Variants in ZNF831 observed in about 807,000 individuals in gnomAD.
ZNF831 encodes the protein zinc finger protein 831, also known as chromosome 20 open reading frame 174.
In ZNF831, 59 loss-of-function variants were observed where a neutral mutation model predicts 95.8. The observed-to-expected ratio is 0.62, with a 90% CI of 0.50 to 0.77. The LOEUF (loss-of-function observed/expected upper bound fraction) is 0.77. ZNF831 is among the 30% of genes least tolerant of loss of function. The probability of loss-of-function intolerance (pLI) is 0.00; values close to 1 mark genes in which losing one functional copy is unlikely to be tolerated. For synonymous variants in ZNF831, 961 were observed against 925.5 expected (o/e 1.04, Z -0.70); for missense variants, 2,205 against 2,164.0 (o/e 1.02, Z -0.38).
intron 1 of ZNF831, among the ~76,000 whole-genome samples, chr20:59,184,802 T>C (rs1601351042): frequency 6.6e-6 from 1 of 152,258 alleles, no homozygotes; most frequent in East Asian, 1.9e-4. Flanking sequence ...CCCAGGCTCA[T>C]TTGTGGTTTG....
chr20:59,235,285 C>G (rs1173190205), intron 4 of ZNF831, among the ~76,000 whole-genome samples: 1 of 152,176 alleles, frequency 6.6e-6, no homozygotes, highest in Admixed American at 6.5e-5. Context: ...CACCCGGCCA[C>G]AGTCATTTTC....
chr20:59,254,923 T>G lies in ZNF831; in HGVS notation c.*180T>G. ...TCTGACCCCCAACTCAGCCGCAGCG[T>G]TCCCCAGCTCCCCTTGGGAGTGCTC... On this transcript the variant is annotated 3_prime_UTR_variant, in exon 6 of 6. Coordinates refer to ENST00000371030, the MANE Select transcript of ZNF831 (RefSeq NM_178457.3). This position sits in a 1 kb window ranked among gnomAD's most constrained non-coding sequence, Gnocchi z 4.5. The G allele has an allele frequency of 1.3e-6, 1 of 767,170 alleles. No homozygotes were observed. 47.5% of individuals were successfully genotyped at this position (767,170 alleles called of 1,614,324 possible). A position where few individuals can be genotyped will look rare whatever the true frequency, so the allele number is the denominator to read the frequency against.
intron 1 of ZNF831, among the ~76,000 whole-genome samples, chr20:59,166,509 T>C (rs766156988): frequency 3.3e-5 from 5 of 152,224 alleles, no homozygotes; most frequent in Non-Finnish European, 7.3e-5. Flanking sequence ...ATAGTCAAGA[T>C]ACAGAACATT....
chr20:59,175,505 T>G (rs1463866984), intron 1 of ZNF831, among the ~76,000 whole-genome samples: 1 of 152,176 alleles, frequency 6.6e-6, no homozygotes, highest in African/African-American at 2.4e-5. Flanking sequence ...GTTCACCGAT[T>G]CTTTTTTTCT....
chr20:59,234,904 A>G (rs1412401460), intron 4 of ZNF831, among the ~76,000 whole-genome samples: 2 of 152,148 alleles, frequency 1.3e-5, no homozygotes, highest in African/African-American at 4.8e-5. Flanking sequence ...TTTACAATTA[A>G]TGACCCATTA....
intron 4 of ZNF831, among the ~76,000 whole-genome samples, chr20:59,231,026 A>T (rs1426322775): frequency 1.3e-5 from 2 of 152,098 alleles, no homozygotes; most frequent in Admixed American, 1.3e-4. Flanking sequence ...GTGGTCAAGG[A>T]TGGCTGCTCC....
In ZNF831 at chr20:59,164,172, G is replaced by A. The variant is rs1981069440; in HGVS notation, c.-72G>A. ...ACCAGATCATTGTGTTTGAATCAGAGCATCATTGGCTGAAAACACTCCACT... is the reference window on the plus strand; with the variant it reads ...ACCAGATCATTGTGTTTGAATCAGAACATCATTGGCTGAAAACACTCCACT... On this transcript the variant is annotated 5_prime_UTR_variant, in exon 1 of 6. Coordinates refer to ENST00000371030, the MANE Select transcript of ZNF831 (RefSeq NM_178457.3). Among the ~76,000 whole-genome samples, 1 of 152,066 alleles carries A rather than the reference G, an allele frequency of 6.6e-6. No homozygotes were observed. Among genetic ancestry groups the A allele is most frequent in the Non-Finnish European group, 1.5e-5 (1 of 68,026 alleles).
rs116281545 is a variant in ZNF831 at position 59,254,472 on chromosome 20, C to A, written c.4763C>A (p.Thr1588Lys). 1.7e-5 allele frequency: 27 copies of A among 1,614,150 alleles called. 1 individual carries two copies. The highest frequency in any genetic ancestry group is 1.5e-4 in the African/African-American group (11 of 75,022). The change falls in exon 6 of 6, where the codon ACG (threonine) becomes AAG (lysine). Residue 1588 changes from threonine to lysine, a missense_variant. Transcript: ENST00000371030. This position sits in a 1 kb window ranked among gnomAD's most constrained non-coding sequence, Gnocchi z 4.5. Reference sequence around the variant, plus strand: ...CACCACAAGGAAGGGAGACACAAGACGTTTTTTCCTTCCAGAGGCCAGTAT... The same window carrying A: ...CACCACAAGGAAGGGAGACACAAGAAGTTTTTTCCTTCCAGAGGCCAGTAT... ...SSHHKEGRHK[T>K]FFPSRGQYGC...
chr20:59,242,976 T>G (rs1025804223), intron 4 of ZNF831, among the ~76,000 whole-genome samples: 1 of 152,212 alleles, frequency 6.6e-6, no homozygotes. Flanking sequence ...TACCAATCAT[T>G]GTGTAATTCT....
At chr20:59,185,531 C>A (rs1015524667) in intron 1 of ZNF831, among the ~76,000 whole-genome samples, 14 of 152,130 alleles carry the variant, frequency 9.2e-5, no homozygotes, top group Non-Finnish European at 1.8e-4. Flanking sequence ...CAGGCAGGCC[C>A]CCACTGAGAC....
intron 4 of ZNF831, among the ~76,000 whole-genome samples, chr20:59,215,886 G>T (rs1985644885): frequency 6.6e-6 from 1 of 152,148 alleles, no homozygotes; most frequent in African/African-American, 2.4e-5. Context: ...AATGTTTTTG[G>T]TAAATAAGTT....
At chr20:59,151,507 A>G (rs1218224838) in intron 2 of ZNF831, among the ~76,000 whole-genome samples, 1 of 152,062 alleles carries the variant, frequency 6.6e-6, no homozygotes, top group African/African-American at 2.4e-5. Flanking sequence ...CCCTGACTTG[A>G]CAGATGAAAA....
chr20:59,248,978 A>G (rs549725052), intron 4 of ZNF831, among the ~76,000 whole-genome samples: 2 of 152,218 alleles, frequency 1.3e-5, no homozygotes, highest in South Asian at 4.1e-4. Context: ...TGTACCCCAC[A>G]AGATCTGAGT....
At chr20:59,218,152 T>A (rs963366917) in intron 4 of ZNF831, among the ~76,000 whole-genome samples, 1 of 152,240 alleles carries the variant, frequency 6.6e-6, no homozygotes, top group Non-Finnish European at 1.5e-5. Context: ...TTCCTCATTA[T>A]AAACAGAAGC....
At chr20:59,132,078 T>C (rs1239913492) in intron 1 of ZNF831, among the ~76,000 whole-genome samples, 1 of 152,236 alleles carries the variant, frequency 6.6e-6, no homozygotes, top group Non-Finnish European at 1.5e-5. Flanking sequence ...ATACACCCCA[T>C]TGTATGAGAA....
intron 1 of ZNF831, among the ~76,000 whole-genome samples, chr20:59,131,022 A>G (rs1490769205): frequency 6.6e-6 from 1 of 152,176 alleles, no homozygotes; most frequent in East Asian, 1.9e-4. Context: ...CTCAGTAAAC[A>G]TGAGATGTGT....
At chr20:59,144,034 A>G (rs1309968576) in intron 1 of ZNF831, among the ~76,000 whole-genome samples, 3 of 152,180 alleles carry the variant, frequency 2.0e-5, no homozygotes, top group African/African-American at 7.2e-5. Context: ...ACAGAGTTCA[A>G]GTTGTCTGAT....
At chr20:59,139,151 G>A (rs1979599284) in intron 1 of ZNF831, among the ~76,000 whole-genome samples, 1 of 152,148 alleles carries the variant, frequency 6.6e-6, no homozygotes, top group Admixed American at 6.5e-5. Context: ...ATCATACAGT[G>A]TGCGGGACTG....
Position 59,192,736 on chromosome 20 carries a change from AC to A in ZNF831, c.1722del (p.Ile575LeufsTer38). On this transcript the variant is annotated frameshift_variant, in exon 2 of 6. Transcript: ENST00000371030. LOFTEE classifies it high-confidence loss of function. The surrounding 1 kb of genome is among the most constrained non-coding windows in gnomAD (Gnocchi z 5.2). ...RQAAVEDLPG[T>X]PIGDALVPAE... is the part of the protein sequence containing the mutation. ...GGCCGCGGTGGAGGACCTGCCAGGC[AC>A]CCCCATTGGCGATGCCCTGGTGCCC... 1 of 1,610,262 alleles carries A rather than the reference AC, an allele frequency of 6.2e-7. No individual in the cohort carries two copies. Among genetic ancestry groups the A allele is most frequent in the Non-Finnish European group, 8.5e-7 (1 of 1,178,938 alleles).
Sources: gnomAD v4.1 joint callset for allele counts (sites outside exome capture counted in the v4.1 genomes callset) on GRCh38, gnomAD v4.1.1 for gene constraint, Gnocchi (gnomAD v3.1) non-coding constraint, MANE v1.5 for transcripts, NCBI Gene and HGNC (gene_info 2026-07-23, HGNC 2026-07-21) for gene names.